Variants in MMP7 observed in about 807,000 individuals in gnomAD.
MMP7 encodes the protein matrilysin.
MMP7 carries 26 observed loss-of-function variants against 31.5 expected under a neutral mutation model. The observed-to-expected ratio is 0.83, with a 90% confidence interval of 0.61 to 1.15. The LOEUF (loss-of-function observed/expected upper bound fraction) is 1.15, where lower values mean the gene tolerates loss of function less well. MMP7 is among the 50% of genes most tolerant of loss of function. The pLI, the probability that MMP7 is intolerant of heterozygous loss-of-function variation, is 0.00. For missense variants in MMP7, 367 were observed against 326.5 expected, an observed-to-expected ratio of 1.12 and a Z score of -0.96; for synonymous variants, 142 against 124.2, an observed-to-expected ratio of 1.14 and a Z score of -0.95.
At position 102,524,964 on chromosome 11, in the gene MMP7, A is replaced by G. The variant is rs767151950; in HGVS notation, c.585T>C (p.Asp195=). 6.2e-7 allele frequency: 1 copy of G among 1,613,948 alleles called. No individual in the cohort carries two copies. The highest frequency in any genetic ancestry group is 1.7e-5 in the Admixed American group (1 of 59,996). Residue 195 remains aspartate (D), a synonymous_variant, in exon 4 of 6, where the codon GAT becomes GAC. Coordinates refer to ENST00000260227, the MANE Select transcript of MMP7 (RefSeq NM_002423.5). ...GACTGCTACCATCCGTCCAGCGTTC[A>G]TCCTCATCGAAGTGAGCATCTCCTC... is the stretch of plus-strand genomic sequence containing the variant. ...GLGGDAHFDE[D]ERWTDGSSLG... is the part of the protein sequence containing the mutation.
intron 1 of MMP7, 101 bp from the exon 2 acceptor site, chr11:102,528,084 A>C: frequency 1.2e-6 from 1 of 822,936 alleles, no homozygotes; most frequent in Non-Finnish European, 1.9e-6. Flanking sequence ...GAATTCAAAT[A>C]ATGATTTGAA....
intron 5 of MMP7, among the ~76,000 whole-genome samples, chr11:102,522,765 C>T (rs1295167349): frequency 6.6e-6 from 1 of 152,122 alleles, no homozygotes; most frequent in Non-Finnish European, 1.5e-5. Flanking sequence ...GTATCAAGAC[C>T]AGGAATGATA....
At position 102,527,576 on chromosome 11, in the gene MMP7, GAAA is replaced by G; in HGVS notation, c.429_431del (p.Phe144del). ...CAGCAGTTCCCCATACAACTTTCCTGAAATGCAGGGGGATCTCTTTGCCCCACA... is the reference window on the plus strand; with the variant it reads ...CAGCAGTTCCCCATACAACTTTCCTGTGCAGGGGGATCTCTTTGCCCCACA... On this transcript the variant is annotated inframe_deletion, in exon 3 of 6. Transcript: ENST00000260227. 1 of 1,614,168 alleles carries G rather than the reference GAAA, an allele frequency of 6.2e-7. No homozygotes were observed. Among genetic ancestry groups the G allele is most frequent in the Non-Finnish European group, 8.5e-7 (1 of 1,180,022 alleles).
At chr11:102,527,386 G>T (rs758330990) in intron 3 of MMP7, 138 bp downstream of exon 3, 2 of 1,068,180 alleles carry the variant, frequency 1.9e-6, no homozygotes, top group Non-Finnish European at 1.4e-6. Flanking sequence ...TAATAATATT[G>T]CTAAATCTAT....
Position 102,527,585 on chromosome 11 carries a change from G to A in MMP7, c.423C>T (p.Pro141=). The change falls in exon 3 of 6, where the codon CCC becomes CCT. Residue 141 remains proline, a synonymous_variant. Transcript: ENST00000260227. ...CCCATACAACTTTCCTGAAATGCAG[G>A]GGGATCTCTTTGCCCCACATGTTTA... is the stretch of plus-strand genomic sequence containing the variant. ...KALNMWGKEI[P]LHFRKVVWGT... 5 of 1,614,124 alleles carry A rather than the reference G, an allele frequency of 3.1e-6. No homozygotes were observed. The highest frequency in any genetic ancestry group is 2.2e-5 in the East Asian group (1 of 44,882).
At chr11:102,526,975 A>T (rs1333469553) in intron 3 of MMP7, 2 of 162,284 alleles carry the variant, frequency 1.2e-5, no homozygotes, top group Non-Finnish European at 2.7e-5. Flanking sequence ...TATACTATGT[A>T]GCCTAGGTGG....
rs780389621 is a variant in MMP7 at position 102,530,719 on chromosome 11, A to G, written c.-19T>C. 1 of 1,608,280 alleles carries G rather than the reference A, an allele frequency of 6.2e-7. No individual in the cohort carries two copies. The highest frequency in any genetic ancestry group is 8.5e-7 in the Non-Finnish European group (1 of 1,176,164). On this transcript the variant is annotated 5_prime_UTR_variant, in exon 1 of 6. Transcript: ENST00000260227. Reference sequence around the variant, plus strand: ...GTCGCATAGCTGCCGTCCAGAGACAATTGTTCTTGGACCTATGGTTGATTT... The same window carrying G: ...GTCGCATAGCTGCCGTCCAGAGACAGTTGTTCTTGGACCTATGGTTGATTT...
chr11:102,528,530 A>T (rs180812988), intron 1 of MMP7, among the ~76,000 whole-genome samples: 5 of 152,308 alleles, frequency 3.3e-5, no homozygotes, highest in Admixed American at 3.3e-4. Flanking sequence ...CAACTAAATG[A>T]TTTATGTGCC....
chr11:102,520,861 C>T, intron 5 of MMP7, 57 bp from the exon 6 acceptor site: 3 of 1,170,552 alleles, frequency 2.6e-6, no homozygotes, highest in Non-Finnish European at 3.7e-6. Flanking sequence ...AAAAACCATC[C>T]TAAGATTATA....
chr11:102,530,509 A>T, intron 1 of MMP7, 84 bp downstream of exon 1: 3 of 1,105,940 alleles, frequency 2.7e-6, no homozygotes, highest in Non-Finnish European at 4.1e-6. Context: ...CAATGCTAAC[A>T]TGGGAAGGGA....
chr11:102,527,217 CCAAA>C, intron 3 of MMP7: 1 of 351,702 alleles, frequency 2.8e-6, no homozygotes, highest in Non-Finnish European at 5.3e-6. Context: ...CAGCCTGAGC[CCAAA>C]CAGTCATAGG....
intron 5 of MMP7, among the ~76,000 whole-genome samples, chr11:102,522,189 G>A (rs1163619713): frequency 1.3e-5 from 2 of 152,196 alleles, no homozygotes; most frequent in East Asian, 1.9e-4. Flanking sequence ...AATACAGTTT[G>A]GGACATGCTG....
At chr11:102,527,474 A>G in intron 3 of MMP7, 50 bp downstream of exon 3, 2 of 1,612,112 alleles carry the variant, frequency 1.2e-6, no homozygotes, top group East Asian at 2.2e-5. Flanking sequence ...GATATAAACC[A>G]TGAACAAACA....
chr11:102,527,832 C>T lies in MMP7; in HGVS notation c.260G>A (p.Cys87Tyr). 1 of 1,614,162 alleles carries T rather than the reference C, an allele frequency of 6.2e-7. No individual in the cohort carries two copies. The highest frequency in any genetic ancestry group is 8.5e-7 in the Non-Finnish European group (1 of 1,180,016). Residue 87 changes from cysteine to tyrosine, a missense_variant, in exon 2 of 6, where the codon TGT becomes TAT. Cys to Tyr is a radical substitution (Grantham distance 194). Coordinates refer to ENST00000260227, the MANE Select transcript of MMP7 (RefSeq NM_002423.5). ...RVIEIMQKPR[C>Y]GVPDVAEYSL... ...GTATTCTGCAACATCTGGCACTCCA[C>T]ATCTGGGCTTCTGCATTATTTCTAT...
intron 3 of MMP7, 174 bp downstream of exon 3, chr11:102,527,326 CCAACTGCTGCTATAAAAAGTGGCT>C: frequency 1.6e-6 from 1 of 637,182 alleles, no homozygotes; most frequent in Non-Finnish European, 2.6e-6. Context: ...TCATAGTTTG[CCAACTGCTGCTATAAAAAGTGGCT>C]CTATATTACC....
intron 3 of MMP7, 85 bp from the exon 4 acceptor site, chr11:102,525,149 G>C: frequency 6.7e-7 from 1 of 1,496,288 alleles, no homozygotes; most frequent in Non-Finnish European, 8.9e-7. Flanking sequence ...CGATTATTGA[G>C]GCTAGAAAAA....
Position 102,520,691 on chromosome 11 carries a change from G to C in MMP7, c.*85C>G. The C allele has an allele frequency of 8.9e-7, 1 of 1,126,684 alleles. No individual in the cohort carries two copies. The highest frequency in any genetic ancestry group is 1.3e-6 in the Non-Finnish European group (1 of 784,192). 69.8% of individuals were successfully genotyped at this position (1,126,684 alleles called of 1,614,324 possible). A position where few individuals can be genotyped will look rare whatever the true frequency, so the allele number is the denominator to read the frequency against. ...GGGTGACATAATTGCTAAATGGAGT[G>C]GAGGAACAGTGCTTATCAATTCTGA... On this transcript the variant is annotated 3_prime_UTR_variant, in exon 6 of 6. Coordinates refer to ENST00000260227, the MANE Select transcript of MMP7 (RefSeq NM_002423.5).
intron 1 of MMP7, among the ~76,000 whole-genome samples, chr11:102,529,347 T>G (rs1207318479): frequency 2.0e-5 from 3 of 152,210 alleles, no homozygotes; most frequent in Admixed American, 6.5e-5. Flanking sequence ...GCTACAGACT[T>G]TACCAAGACA....
chr11:102,528,747 T>G (rs11225308), intron 1 of MMP7, among the ~76,000 whole-genome samples: 35,655 of 152,102 alleles, frequency 0.23, 4,223 homozygotes, highest in African/African-American at 0.26. Context: ...TTCTCTAAAG[T>G]TTCTCAGTAT....
Sources: allele counts gnomAD v4.1 joint callset (sites outside exome capture counted in the v4.1 genomes callset), GRCh38; gene constraint gnomAD v4.1.1; transcripts MANE v1.5; gene names NCBI Gene and HGNC (gene_info 2026-07-23, HGNC 2026-07-21).